Variants in LAMA1 observed in about 807,000 individuals in gnomAD.
LAMA1 encodes laminin subunit alpha 1.
A neutral mutation model predicts 348.7 loss-of-function variants in LAMA1; 219 were observed. The ratio of observed to expected loss-of-function variants is 0.63; its 90% CI spans 0.56 to 0.70. LAMA1 has a LOEUF of 0.70. Ranked by LOEUF, LAMA1 falls within the 30% of genes least tolerant of loss-of-function variation. The pLI is 0.00. For missense variants in LAMA1, 3,744 were observed against 3,888.0 expected (o/e 0.96, Z 0.99); for synonymous variants, 1,487 against 1,491.0 (o/e 1.00, Z 0.06).
intron 57 of LAMA1, among the ~76,000 whole-genome samples, chr18:6,953,485 A>G (rs2143984253): frequency 6.6e-6 from 1 of 152,330 alleles, no homozygotes; most frequent in East Asian, 1.9e-4. Context: ...ACGTTTAGGT[A>G]CTAGCCGAGG....
chr18:7,020,223 C>T (rs753997643), intron 19 of LAMA1, among the ~76,000 whole-genome samples: 15 of 152,124 alleles, frequency 9.9e-5, no homozygotes, highest in Non-Finnish European at 2.2e-4. Flanking sequence ...TCTACCTGGA[C>T]GGCCTGTCCA....
intron 1 of LAMA1, among the ~76,000 whole-genome samples, chr18:7,083,424 G>T (rs931523128): frequency 2.6e-5 from 4 of 151,846 alleles, no homozygotes; most frequent in African/African-American, 9.7e-5. Flanking sequence ...GACCTCAAGT[G>T]CTCCACTCGT....
At chr18:6,956,530 C>T in intron 56 of LAMA1, 106 bp downstream of exon 56, 1 of 1,382,720 alleles carries the variant, frequency 7.2e-7, no homozygotes, top group Non-Finnish European at 1.0e-6. Context: ...GCTCCAGCTC[C>T]AGCTTTCGCA....
chr18:7,070,656 T>C (rs1364091103), intron 3 of LAMA1, among the ~76,000 whole-genome samples: 1 of 152,190 alleles, frequency 6.6e-6, no homozygotes, highest in Non-Finnish European at 1.5e-5. Context: ...TCTGTGATTA[T>C]GTTCCCACAA....
intron 3 of LAMA1, 165 bp downstream of exon 3, chr18:7,079,810 A>G: frequency 1.6e-6 from 1 of 643,642 alleles, no homozygotes; most frequent in South Asian, 1.8e-5. Flanking sequence ...GTGACAAGAA[A>G]TGGCACCAGG....
intron 26 of LAMA1, among the ~76,000 whole-genome samples, chr18:7,009,765 T>C (rs1600390800): frequency 6.6e-6 from 1 of 152,170 alleles, no homozygotes; most frequent in African/African-American, 2.4e-5. Flanking sequence ...CTTGAGAATT[T>C]GAAATTCAAA....
intron 21 of LAMA1, among the ~76,000 whole-genome samples, chr18:7,016,201 C>T (rs1221096990): frequency 6.6e-6 from 1 of 152,174 alleles, no homozygotes; most frequent in African/African-American, 2.4e-5. Context: ...ACACTAACTT[C>T]TCAATGCAGA....
chr18:7,066,826 C>T (rs552267377), intron 3 of LAMA1, among the ~76,000 whole-genome samples: 1 of 151,168 alleles, frequency 6.6e-6, no homozygotes, highest in South Asian at 2.2e-4. Context: ...AAAAATAAGG[C>T]AATAAAGATC....
intron 1 of LAMA1, among the ~76,000 whole-genome samples, chr18:7,093,199 G>T (rs1182682386): frequency 1.3e-5 from 2 of 152,090 alleles, no homozygotes; most frequent in Non-Finnish European, 2.9e-5. Context: ...GGCGGATCAC[G>T]AGGTCAGGAT....
At position 7,044,785 on chromosome 18, in the gene LAMA1, A is replaced by G. The variant is rs1424973289; in HGVS notation, c.913T>C (p.Cys305Arg). ...CAGGGCTGCTGATGGTACCCAGGAC[A>G]GCACCTGTTACAGCTCTCCCCGCAA... ...NTCGESCNRCCPGYHQQPWRP... is the reference protein window; with the variant it reads ...NTCGESCNRCRPGYHQQPWRP... The change falls in exon 7 of 63, where the codon TGT becomes CGT. Residue 305 changes from cysteine (C) to arginine (R), a missense_variant. Transcript: ENST00000389658. The G allele has an allele frequency of 1.2e-6, 2 of 1,614,220 alleles. No individual in the cohort carries two copies. The highest frequency in any genetic ancestry group is 1.7e-6 in the Non-Finnish European group (2 of 1,180,048).
At chr18:7,040,045 GC>G (rs2058013466) in intron 10 of LAMA1, 30 bp downstream of exon 10, 2 of 1,612,466 alleles carry the variant, frequency 1.2e-6, no homozygotes, top group Non-Finnish European at 1.7e-6. Flanking sequence ...CTCAAAGGAA[GC>G]TCAGGGGTGT....
At chr18:7,056,113 G>A (rs993979599) in intron 3 of LAMA1, among the ~76,000 whole-genome samples, 12 of 151,776 alleles carry the variant, frequency 7.9e-5, no homozygotes, top group East Asian at 3.9e-4. Context: ...TAATGTGTTC[G>A]GGGCTTTGAC....
chr18:7,005,967 T>C (rs1431200955), intron 29 of LAMA1, among the ~76,000 whole-genome samples: 1 of 152,096 alleles, frequency 6.6e-6, no homozygotes, highest in Non-Finnish European at 1.5e-5. Context: ...CTCCAGTGTT[T>C]CCTTGTGATT....
In LAMA1 at chr18:6,978,219, A is replaced by G; in HGVS notation, c.6167T>C (p.Leu2056Pro). Residue 2056 changes from leucine (L) to proline (P), a missense_variant, in exon 43 of 63, where the codon CTT (leucine) becomes CCT (proline). Leu to Pro is a moderately conservative substitution (Grantham distance 98). Around this residue, in one of 3 missense-constraint regions of LAMA1, gnomAD observed 1,983 missense variants for 1,934.3 expected, o/e 1.03. Transcript: ENST00000389658. ...ACTGGCCATGGTGGAGTCCTGCAGA[A>G]GCTGGTGTGTCTCTCGTAATGTGGT... Reference protein sequence around the residue: ...VNTTLRETHQLLQDSTMATLL... With the variant: ...VNTTLRETHQPLQDSTMATLL... 6.2e-7 allele frequency: 1 copy of G among 1,614,232 alleles called. No homozygotes were observed. Among genetic ancestry groups the G allele is most frequent in the Middle Eastern group, 1.6e-4 (1 of 6,062 alleles).
intron 39 of LAMA1, among the ~76,000 whole-genome samples, chr18:6,984,801 T>C (rs2057727041): frequency 6.6e-6 from 1 of 152,174 alleles, no homozygotes; most frequent in Admixed American, 6.5e-5. Flanking sequence ...CCAACACTTC[T>C]ATAGGTAGAG....
intron 14 of LAMA1, among the ~76,000 whole-genome samples, chr18:7,033,714 T>C (rs1438602854): frequency 6.6e-6 from 1 of 151,044 alleles, no homozygotes. Context: ...AAATGTGTCA[T>C]GCTATGTTTG....
At chr18:6,952,672 T>G (rs1422953087) in intron 57 of LAMA1, among the ~76,000 whole-genome samples, 1 of 152,250 alleles carries the variant, frequency 6.6e-6, no homozygotes, top group Non-Finnish European at 1.5e-5. Context: ...TGGGCATCAC[T>G]CTGAGTAGCG....
intron 1 of LAMA1, among the ~76,000 whole-genome samples, chr18:7,100,659 C>G (rs1326072865): frequency 6.6e-6 from 1 of 152,160 alleles, no homozygotes; most frequent in Admixed American, 6.5e-5. Flanking sequence ...ACATTATTGA[C>G]ATATGCTACA....
chr18:7,017,155 G>T, intron 20 of LAMA1, 123 bp downstream of exon 20: 1 of 801,818 alleles, frequency 1.2e-6, no homozygotes, highest in Non-Finnish European at 2.1e-6. Context: ...CCCAGTCTTG[G>T]GTAGTATCTC....
Sources: allele counts gnomAD v4.1 joint callset (sites outside exome capture counted in the v4.1 genomes callset), GRCh38; gene constraint gnomAD v4.1.1; regional missense constraint gnomAD v4.1.1; transcripts MANE v1.5; gene names NCBI Gene and HGNC (gene_info 2026-07-23, HGNC 2026-07-21).